Variants in PLCB1 observed in about 807,000 individuals in gnomAD.
The protein encoded by PLCB1 is phospholipase C beta 1.
In PLCB1, 46 loss-of-function variants were observed where a neutral mutation model predicts 161.8. That is an observed-to-expected ratio of 0.28 (90% CI 0.22 to 0.36). PLCB1 has a LOEUF of 0.36. Among genes scored for constraint, PLCB1 ranks in the 10% least tolerant of loss-of-function variants. The probability of loss-of-function intolerance (pLI) is 1.00; values close to 1 mark genes in which losing one functional copy is unlikely to be tolerated. For synonymous variants in PLCB1, 517 were observed against 503.7 expected (o/e 1.03, Z -0.35); for missense variants, 1,016 against 1,472.5 (o/e 0.69, Z 5.07).
At position 8,542,803 on chromosome 20, in the gene PLCB1, G is replaced by A. The variant is rs549519535; in HGVS notation, c.247-85491G>A. Among the ~76,000 whole-genome samples, 3 of 152,340 alleles carry A rather than the reference G, an allele frequency of 2.0e-5. No individual in the cohort carries two copies. In the East Asian group the frequency reaches 5.8e-4, roughly 29 times the overall value. ...CAGATCAGGGAAGGAAACTGAAGCC[G>A]AGGGACGTTAATTGAATTGCCTCTG... On this transcript the variant is annotated intron_variant, in intron 3 of 31. Coordinates refer to ENST00000338037, the MANE Select transcript of PLCB1 (RefSeq NM_015192.4).
At chr20:8,817,347 G>C (rs141184052) in intron 31 of PLCB1, among the ~76,000 whole-genome samples, 4 of 152,258 alleles carry the variant, frequency 2.6e-5, no homozygotes, top group Admixed American at 6.5e-5. Flanking sequence ...CAGCTTGGTA[G>C]AACTTGGTAT....
At chr20:8,823,397 A>T (rs1985531978) in intron 31 of PLCB1, among the ~76,000 whole-genome samples, 1 of 152,194 alleles carries the variant, frequency 6.6e-6, no homozygotes, top group African/African-American at 2.4e-5. Flanking sequence ...TGCTAGGATT[A>T]CAGGCCTGAG....
At chr20:8,413,011 G>A (rs1165491755) in intron 3 of PLCB1, among the ~76,000 whole-genome samples, 1 of 150,702 alleles carries the variant, frequency 6.6e-6, no homozygotes, top group Non-Finnish European at 1.5e-5. Context: ...CAGCGAATTG[G>A]TTTAACTGGG....
chr20:8,439,654 G>A (rs1980467076), intron 3 of PLCB1, among the ~76,000 whole-genome samples: 1 of 152,046 alleles, frequency 6.6e-6, no homozygotes. Flanking sequence ...ATATTTGGGT[G>A]GCATATGGAC....
chr20:8,690,281 C>G (rs993788039), intron 10 of PLCB1, among the ~76,000 whole-genome samples: 23 of 151,850 alleles, frequency 1.5e-4, no homozygotes, highest in African/African-American at 4.8e-4. Flanking sequence ...ACACTGAGAA[C>G]AGCAGGTGTT....
At chr20:8,696,965 C>T (rs1488994933) in intron 10 of PLCB1, among the ~76,000 whole-genome samples, 2 of 152,312 alleles carry the variant, frequency 1.3e-5, no homozygotes, top group East Asian at 1.9e-4. Context: ...GATCTCCTGA[C>T]CTCGTGATCC....
intron 2 of PLCB1, among the ~76,000 whole-genome samples, chr20:8,205,375 G>A (rs546985768): frequency 1.3e-5 from 2 of 152,182 alleles, no homozygotes; most frequent in East Asian, 3.9e-4. Context: ...TCTCGATCCA[G>A]CTACTGATTT....
intron 3 of PLCB1, among the ~76,000 whole-genome samples, chr20:8,507,776 A>G (rs1439688386): frequency 2.0e-5 from 3 of 152,204 alleles, no homozygotes; most frequent in African/African-American, 7.2e-5. Flanking sequence ...TAAAGAAGAT[A>G]AGAACGTAGT....
chr20:8,684,248 A>ATTT (rs1990300871), intron 9 of PLCB1, among the ~76,000 whole-genome samples: 1 of 147,280 alleles, frequency 6.8e-6, no homozygotes, highest in Non-Finnish European at 1.5e-5. Context: ...TTATTTATTT[A>ATTT]TTTATTTATT....
intron 2 of PLCB1, among the ~76,000 whole-genome samples, chr20:8,275,942 C>T (rs1241540810): frequency 1.3e-5 from 2 of 151,762 alleles, no homozygotes; most frequent in African/African-American, 4.8e-5. Context: ...ACTTACAAGC[C>T]AGATAAGACA....
chr20:8,629,877 C>CTT (rs1159340046), intron 4 of PLCB1, among the ~76,000 whole-genome samples: 2,230 of 63,686 alleles, frequency 0.035, 42 homozygotes, highest in Middle Eastern at 0.086. Context: ...TTCTTTCTTT[C>CTT]TCTCTCTCTT....
In PLCB1 at chr20:8,777,293, C is replaced by T. The variant is rs1429060202; in HGVS notation, c.3111+2574C>T. 2.0e-5 allele frequency among the ~76,000 whole-genome samples: 3 copies of T among 152,062 alleles called. No individual in the cohort carries two copies. In the East Asian group the frequency reaches 5.8e-4, roughly 29 times the overall value. ...CACTCCGGGGCTGTGCTTCCCAGTA[C>T]GTTACGGGAAGTGGTCTCCTAGGAA... is the stretch of plus-strand genomic sequence containing the variant. On this transcript the variant is annotated intron_variant, in intron 27 of 31. Transcript: ENST00000338037.
intron 10 of PLCB1, among the ~76,000 whole-genome samples, chr20:8,696,201 GTTC>G (rs905306775): frequency 2.0e-5 from 3 of 152,132 alleles, no homozygotes; most frequent in East Asian, 1.9e-4. Flanking sequence ...AAGGATCCAA[GTTC>G]TTCTTTTTTT....
chr20:8,487,611 T>C (rs117638878), intron 3 of PLCB1, among the ~76,000 whole-genome samples: 2,534 of 152,250 alleles, frequency 0.017, 38 homozygotes, highest in Admixed American at 0.026. Flanking sequence ...AAAAGAGGCA[T>C]TGAGTCTTTC....
chr20:8,393,941 T>G (rs948503371), intron 3 of PLCB1, among the ~76,000 whole-genome samples: 16 of 152,156 alleles, frequency 1.1e-4, no homozygotes, highest in African/African-American at 3.9e-4. Context: ...GCCTTTTTCA[T>G]ATATCTTGAT....
chr20:8,389,368 G>T (rs1987523246), intron 3 of PLCB1, among the ~76,000 whole-genome samples: 1 of 152,184 alleles, frequency 6.6e-6, no homozygotes, highest in Non-Finnish European at 1.5e-5. Context: ...GGTTCTAAAG[G>T]ACCTGGAGAG....
In PLCB1 at chr20:8,136,651, C is replaced by T. The variant is rs545177018; in HGVS notation, c.99+3901C>T. Among the ~76,000 whole-genome samples, 13 of 152,076 alleles carry T rather than the reference C, an allele frequency of 8.5e-5. 1 individual carries two copies. The South Asian group carries it at 2.1e-3, about 24-fold the overall frequency. On this transcript the variant is annotated intron_variant, in intron 1 of 31. Coordinates refer to ENST00000338037, the MANE Select transcript of PLCB1 (RefSeq NM_015192.4). ...AAAAAAAAAAAAAAAGTTATTGTCC[C>T]TCAAAAATAAGATGGACGTGAATTT...
chr20:8,682,585 AT>A (rs2123392194), intron 9 of PLCB1, among the ~76,000 whole-genome samples: 1 of 152,324 alleles, frequency 6.6e-6, no homozygotes, highest in South Asian at 2.1e-4. Flanking sequence ...TGAGAAATGT[AT>A]TGAATGTGAA....
At chr20:8,600,724 TCA>T (rs1987544686) in intron 3 of PLCB1, 2 of 151,064 alleles carry the variant, frequency 1.3e-5, no homozygotes, top group African/African-American at 4.9e-5. Flanking sequence ...CAGTTTGATC[TCA>T]GACTGCTGTG....
Sources: gnomAD v4.1 joint callset for allele counts (sites outside exome capture counted in the v4.1 genomes callset) on GRCh38, gnomAD v4.1.1 for gene constraint, MANE v1.5 for transcripts, NCBI Gene and HGNC (gene_info 2026-07-23, HGNC 2026-07-21) for gene names.